COL28A1: variants seen among roughly 807,000 people sequenced by gnomAD.
The protein encoded by COL28A1 is collagen alpha-1(XXVIII) chain.
In COL28A1, 161 loss-of-function variants were observed where a neutral mutation model predicts 150.2. That is an observed-to-expected ratio of 1.07 (90% confidence interval 0.94 to 1.22). The LOEUF is 1.22. COL28A1 is among the 50% of genes most tolerant of loss of function. The pLI is 0.00. For synonymous variants in COL28A1, 552 were observed against 469.7 expected (o/e 1.18, Z -2.26); for missense variants, 1,617 against 1,388.3 (o/e 1.16, Z -2.62).
intron 27 of COL28A1, among the ~76,000 whole-genome samples, chr7:7,406,720 A>G (rs1419955011): frequency 1.3e-5 from 2 of 152,116 alleles, no homozygotes; most frequent in African/African-American, 2.4e-5. Context: ...GCAAAGGCTC[A>G]AAGGAGTGAA....
chr7:7,384,730 G>C (rs1250149638), intron 27 of COL28A1, among the ~76,000 whole-genome samples: 1 of 152,092 alleles, frequency 6.6e-6, no homozygotes, highest in Non-Finnish European at 1.5e-5. Flanking sequence ...TTTCCCACCA[G>C]GAAACTTGAT....
intron 27 of COL28A1, among the ~76,000 whole-genome samples, chr7:7,402,997 C>T (rs1783297328): frequency 1.3e-5 from 2 of 152,148 alleles, no homozygotes; most frequent in Admixed American, 1.3e-4. Flanking sequence ...ATAAACAAGA[C>T]ATCTACTATC....
At chr7:7,481,030 A>G (rs763465261) in intron 13 of COL28A1, among the ~76,000 whole-genome samples, 1 of 152,252 alleles carries the variant, frequency 6.6e-6, no homozygotes, top group Non-Finnish European at 1.5e-5. Context: ...CATTATCCAA[A>G]TTATTTTACT....
intron 27 of COL28A1, among the ~76,000 whole-genome samples, chr7:7,387,392 TTAGA>T (rs1211963609): frequency 6.6e-6 from 1 of 152,126 alleles, no homozygotes; most frequent in African/African-American, 2.4e-5. Flanking sequence ...TTAAAAAGAA[TTAGA>T]TAAACACTTG....
intron 10 of COL28A1, 72 bp from the exon 11 acceptor site, chr7:7,506,139 T>A: frequency 1.2e-6 from 1 of 839,970 alleles, no homozygotes; most frequent in Non-Finnish European, 2.1e-6. Flanking sequence ...TTCTTTAGGG[T>A]CCCTAGAGAT....
chr7:7,522,264 T>C (rs1200735318), intron 4 of COL28A1, among the ~76,000 whole-genome samples: 1 of 152,186 alleles, frequency 6.6e-6, no homozygotes, highest in East Asian at 1.9e-4. Flanking sequence ...CAAAAATACA[T>C]GTATAATATA....
At chr7:7,377,885 C>T (rs530540076) in intron 30 of COL28A1, among the ~76,000 whole-genome samples, 1 of 150,290 alleles carries the variant, frequency 6.7e-6, no homozygotes, top group South Asian at 2.1e-4. Context: ...GAGGGACATT[C>T]CAGAAGAAGA....
chr7:7,472,904 C>T (rs1049700110), intron 15 of COL28A1, among the ~76,000 whole-genome samples: 5 of 152,060 alleles, frequency 3.3e-5, no homozygotes, highest in Non-Finnish European at 7.4e-5. Flanking sequence ...ACAAAGCAAA[C>T]AAGAACATAT....
Position 7,373,651 on chromosome 7 carries a change from CTCT to C in COL28A1, c.2360-108_2360-106del, listed in dbSNP as rs1781359242. On this transcript the variant is annotated intron_variant, in intron 31 of 34. Coordinates refer to ENST00000399429, the MANE Select transcript of COL28A1 (RefSeq NM_001037763.3). This position sits in a 1 kb window ranked among gnomAD's most constrained non-coding sequence, Gnocchi z 4.1. ...TGATGAACCTGAGACCTAAACTATT[CTCT>C]TCCTTTTCTGTGATTGTGAAAATAC... 2 of 854,098 alleles carry C rather than the reference CTCT, an allele frequency of 2.3e-6. No homozygotes were observed. The highest frequency in any genetic ancestry group is 2.5e-5 in the East Asian group (1 of 40,490). The allele number at this position is 854,098 out of a possible 1,614,324, so 52.9% of individuals were successfully genotyped here. A position where few individuals can be genotyped will look rare whatever the true frequency, so the allele number is the denominator to read the frequency against.
At position 7,443,672 on chromosome 7, in the gene COL28A1, A is replaced by G; in HGVS notation, c.1582-19T>C. On this transcript the variant is annotated intron_variant, in intron 19 of 34. Coordinates refer to ENST00000399429, the MANE Select transcript of COL28A1 (RefSeq NM_001037763.3). ...CTTCTCCCTAGAGAAAATGACACTGATGTGTTAGCTGACCCTCCAGTAGAC... is the reference window on the plus strand; with the variant it reads ...CTTCTCCCTAGAGAAAATGACACTGGTGTGTTAGCTGACCCTCCAGTAGAC... The G allele has an allele frequency of 6.2e-7, 1 of 1,613,748 alleles. No homozygotes were observed. The highest frequency in any genetic ancestry group is 1.1e-5 in the South Asian group (1 of 91,066).
chr7:7,432,510 G>T lies in COL28A1; in HGVS notation c.1961C>A (p.Pro654Gln). Residue 654 changes from proline (P) to glutamine (Q), a missense_variant, in exon 25 of 35, where the codon CCG (proline) becomes CAG (glutamine). By Grantham distance (76) the Pro-to-Gln change is moderately conservative. Coordinates refer to ENST00000399429, the MANE Select transcript of COL28A1 (RefSeq NM_001037763.3). ...GTCTCCCACTCCACGTAAACCCATC[G>T]GCCCAGGGGGTCCTGGTAATCCACG... ...GPRGLPGPPG[P>Q]MGLRGVGDTG... The T allele has an allele frequency of 6.2e-7, 1 of 1,614,002 alleles. No homozygotes were observed. Among genetic ancestry groups the T allele is most frequent in the Non-Finnish European group, 8.5e-7 (1 of 1,179,978 alleles).
At chr7:7,409,092 A>G (rs1783643825) in intron 27 of COL28A1, among the ~76,000 whole-genome samples, 2 of 152,146 alleles carry the variant, frequency 1.3e-5, no homozygotes, top group Admixed American at 1.3e-4. Flanking sequence ...TTTAGAGAGT[A>G]TAATATTTCC....
At chr7:7,414,716 C>T (rs533150617) in intron 27 of COL28A1, among the ~76,000 whole-genome samples, 1 of 152,270 alleles carries the variant, frequency 6.6e-6, no homozygotes, top group African/African-American at 2.4e-5. Context: ...CCAGTCATGT[C>T]CATTCATTCT....
chr7:7,526,673 T>A (rs1295650493), intron 3 of COL28A1, among the ~76,000 whole-genome samples: 1 of 152,184 alleles, frequency 6.6e-6, no homozygotes, highest in African/African-American at 2.4e-5. Flanking sequence ...TCTCGCCCTG[T>A]CACCTAGGCT....
chr7:7,490,247 T>C (rs1298603076), intron 12 of COL28A1, among the ~76,000 whole-genome samples: 1 of 152,244 alleles, frequency 6.6e-6, no homozygotes, highest in African/African-American at 2.4e-5. Flanking sequence ...ATTGTTGATG[T>C]GTTAAGTTGT....
chr7:7,517,704 T>C (rs766121296), intron 7 of COL28A1, 92 bp downstream of exon 7: 229 of 1,583,046 alleles, frequency 1.4e-4, no homozygotes, highest in Admixed American at 2.3e-4. Context: ...GAAATCACTT[T>C]TGCACTTGCA....
chr7:7,474,640 GC>G lies in COL28A1; in HGVS notation c.1262del (p.Gly421AlafsTer17). ...KGEKGSEGPT[G>X]PQGLQGLSIK... ...TTGACAGGCCTTGTAATCCCTGTGG[GC>G]CAGTTGGTCCTTCAGAACCTTTTTC... On this transcript the variant is annotated frameshift_variant, in exon 15 of 35. Coordinates refer to ENST00000399429, the MANE Select transcript of COL28A1 (RefSeq NM_001037763.3). LOFTEE classifies it high-confidence loss of function. The G allele has an allele frequency of 7.0e-7, 1 of 1,437,328 alleles. No homozygotes were observed. The highest frequency in any genetic ancestry group is 9.8e-7 in the Non-Finnish European group (1 of 1,019,108). The allele number at this position is 1,437,328 out of a possible 1,614,324, so 89.0% of individuals were successfully genotyped here. A position where few individuals can be genotyped will look rare whatever the true frequency, so the allele number is the denominator to read the frequency against.
At chr7:7,396,336 A>G (rs1335563106) in intron 27 of COL28A1, among the ~76,000 whole-genome samples, 1 of 152,202 alleles carries the variant, frequency 6.6e-6, no homozygotes, top group African/African-American at 2.4e-5. Flanking sequence ...GCAAGTATAT[A>G]CATGATAAAA....
At chr7:7,397,636 G>A (rs571450122) in intron 27 of COL28A1, among the ~76,000 whole-genome samples, 8 of 152,262 alleles carry the variant, frequency 5.3e-5, no homozygotes, top group South Asian at 2.1e-4. Flanking sequence ...TTGAAATAGC[G>A]TATTCAGTAG....
Sources: allele counts gnomAD v4.1 joint callset (sites outside exome capture counted in the v4.1 genomes callset), GRCh38; gene constraint gnomAD v4.1.1; non-coding constraint Gnocchi (gnomAD v3.1); transcripts MANE v1.5; gene names NCBI Gene and HGNC (gene_info 2026-07-23, HGNC 2026-07-21).